Variants in MCTP1 observed in about 807,000 individuals in gnomAD.
The protein encoded by MCTP1 is multiple C2 and transmembrane domain-containing protein 1.
Under a neutral mutation model 120.6 loss-of-function variants are expected in MCTP1, and 69 were observed. That is an observed-to-expected ratio of 0.57 (90% CI 0.47 to 0.70). MCTP1 has a LOEUF of 0.70. Among genes scored for constraint, MCTP1 ranks in the 30% least tolerant of loss-of-function variants. The pLI, the probability that MCTP1 is intolerant of heterozygous loss-of-function variation, is 0.00. For synonymous variants in MCTP1, 529 were observed against 493.1 expected (o/e 1.07, Z -0.96); for missense variants, 1,203 against 1,248.8 (o/e 0.96, Z 0.55).
At chr5:94,824,122 C>G (rs180968196) in intron 17 of MCTP1, among the ~76,000 whole-genome samples, 2 of 152,216 alleles carry the variant, frequency 1.3e-5, no homozygotes, top group East Asian at 3.9e-4. Flanking sequence ...TGTCTTGTGC[C>G]GGTTTTCAAA....
At chr5:95,112,186 A>G (rs893940808) in intron 1 of MCTP1, among the ~76,000 whole-genome samples, 1 of 152,186 alleles carries the variant, frequency 6.6e-6, no homozygotes, top group African/African-American at 2.4e-5. Context: ...AGTAGCTACA[A>G]TGGAAATGCT....
At chr5:94,799,549 C>T (rs1033675567) in intron 17 of MCTP1, among the ~76,000 whole-genome samples, 8 of 152,002 alleles carry the variant, frequency 5.3e-5, no homozygotes, top group South Asian at 2.1e-4. Flanking sequence ...TAAAAAATCT[C>T]GCTTGGATAA....
intron 1 of MCTP1, among the ~76,000 whole-genome samples, chr5:95,045,303 A>G (rs985845816): frequency 2.0e-5 from 3 of 152,184 alleles, no homozygotes; most frequent in African/African-American, 7.2e-5. Flanking sequence ...TCTTTACCAC[A>G]GCAACCTGCT....
At chr5:94,831,485 G>T (rs1395671248) in intron 17 of MCTP1, among the ~76,000 whole-genome samples, 1 of 152,204 alleles carries the variant, frequency 6.6e-6, no homozygotes, top group East Asian at 1.9e-4. Context: ...TAAGATCCTT[G>T]TGCAGTTTTT....
intron 22 of MCTP1, 119 bp downstream of exon 22, chr5:94,708,393 G>C: frequency 4.9e-6 from 3 of 615,956 alleles, no homozygotes; most frequent in Non-Finnish European, 8.4e-6. Context: ...TGCTACACAG[G>C]CTTTATTAAT....
intron 19 of MCTP1, among the ~76,000 whole-genome samples, chr5:94,736,704 AAC>A (rs758662318): frequency 7.9e-5 from 12 of 152,188 alleles, no homozygotes; most frequent in Admixed American, 1.3e-4. Flanking sequence ...GACTGCAAGA[AAC>A]ACAGAGTCCA....
rs147342270 is a variant in MCTP1, at chr5:95,254,703, T to C, written c.720+29153A>G. Among the ~76,000 whole-genome samples, 8 of 152,288 alleles carry C rather than the reference T, an allele frequency of 5.3e-5. No individual in the cohort carries two copies. In the East Asian group the frequency reaches 1.2e-3, roughly 22 times the overall value. On this transcript the variant is annotated intron_variant, in intron 1 of 22. Transcript: ENST00000515393. Reference sequence around the variant, plus strand: ...AATATTTCAAAAACTACTACACATATTAATTGCCAAGTTAATCCTCTCTAT... The same window carrying C: ...AATATTTCAAAAACTACTACACATACTAATTGCCAAGTTAATCCTCTCTAT...
intron 1 of MCTP1, among the ~76,000 whole-genome samples, chr5:95,174,860 T>A (rs1747777128): frequency 1.3e-5 from 2 of 152,204 alleles, no homozygotes; most frequent in African/African-American, 4.8e-5. Flanking sequence ...CATGTGTACA[T>A]CTTATTTGGT....
intron 1 of MCTP1, among the ~76,000 whole-genome samples, chr5:95,211,053 C>A (rs1243152093): frequency 6.6e-6 from 1 of 152,112 alleles, no homozygotes; most frequent in African/African-American, 2.4e-5. Flanking sequence ...CACTGTTAGT[C>A]TGATGGGCTT....
At chr5:94,993,729 G>A (rs755839949) in intron 2 of MCTP1, among the ~76,000 whole-genome samples, 25 of 152,096 alleles carry the variant, frequency 1.6e-4, no homozygotes, top group Non-Finnish European at 1.8e-4. Context: ...GAACTGAACC[G>A]TAAATAATGT....
chr5:94,893,104 G>C (rs1287977979), intron 11 of MCTP1, among the ~76,000 whole-genome samples: 3 of 151,924 alleles, frequency 2.0e-5, no homozygotes, highest in Non-Finnish European at 2.9e-5. Flanking sequence ...TCAAACATCC[G>C]CATAATATTT....
intron 17 of MCTP1, among the ~76,000 whole-genome samples, chr5:94,820,198 T>C (rs749275499): frequency 1.3e-5 from 2 of 152,190 alleles, no homozygotes; most frequent in Non-Finnish European, 2.9e-5. Context: ...AAAACAAATA[T>C]CTGACTATTT....
chr5:95,103,725 C>A (rs1756902978), intron 1 of MCTP1, among the ~76,000 whole-genome samples: 1 of 152,056 alleles, frequency 6.6e-6, no homozygotes, highest in Non-Finnish European at 1.5e-5. Context: ...GTAGGGGATT[C>A]CAAGTAATAA....
intron 1 of MCTP1, among the ~76,000 whole-genome samples, chr5:95,213,602 G>A (rs1057398356): frequency 6.1e-4 from 92 of 151,696 alleles, no homozygotes; most frequent in African/African-American, 2.1e-3. Context: ...CACACTACCT[G>A]ACTTCAAACT....
At chr5:94,715,489 T>A (rs1384620052) in intron 19 of MCTP1, among the ~76,000 whole-genome samples, 1 of 152,106 alleles carries the variant, frequency 6.6e-6, no homozygotes, top group East Asian at 1.9e-4. Context: ...TAGTCATATA[T>A]TTTATACGGT....
chr5:94,714,546 A>G (rs1383815622), intron 20 of MCTP1, among the ~76,000 whole-genome samples: 1 of 152,204 alleles, frequency 6.6e-6, no homozygotes, highest in African/African-American at 2.4e-5. Context: ...CTTCAAAGCT[A>G]CAAGTATGAC....
chr5:94,798,925 G>T, intron 18 of MCTP1, 88 bp downstream of exon 18: 1 of 1,409,768 alleles, frequency 7.1e-7, no homozygotes. Context: ...AGAATTCCTG[G>T]TTTGTAAAGC....
chr5:95,077,707 C>T (rs1230947114), intron 1 of MCTP1, among the ~76,000 whole-genome samples: 2 of 152,094 alleles, frequency 1.3e-5, no homozygotes, highest in Admixed American at 1.3e-4. Context: ...CTCCTGACCT[C>T]GTGATCCGCC....
intron 1 of MCTP1, among the ~76,000 whole-genome samples, chr5:95,099,257 A>C (rs1185173283): frequency 6.6e-5 from 10 of 152,248 alleles, no homozygotes; most frequent in East Asian, 1.9e-4. Flanking sequence ...GCAACAAAAG[A>C]CAAAATTGAC....
Sources: gnomAD v4.1 joint callset for allele counts (sites outside exome capture counted in the v4.1 genomes callset) on GRCh38, gnomAD v4.1.1 for gene constraint, MANE v1.5 for transcripts, NCBI Gene and HGNC (gene_info 2026-07-23, HGNC 2026-07-21) for gene names.